The following NEK10 variants were observed in gnomAD, a reference collection of about 807,000 sequenced individuals.
NEK10 encodes NIMA related kinase 10.
NEK10 carries 122 observed loss-of-function variants against 159.8 expected under a neutral mutation model. The ratio of observed to expected loss-of-function variants is 0.76; its 90% CI spans 0.66 to 0.89. The LOEUF (loss-of-function observed/expected upper bound fraction) is 0.89, where lower values mean the gene tolerates loss of function less well. NEK10 is among the 40% of genes least tolerant of loss of function. NEK10 has a pLI of 0.00. For synonymous variants in NEK10, 466 were observed against 457.1 expected (o/e 1.02, Z -0.25); for missense variants, 1,342 against 1,323.1 (o/e 1.01, Z -0.22).
chr3:27,183,899 C>T (rs182257339), intron 26 of NEK10, among the ~76,000 whole-genome samples: 18 of 152,256 alleles, frequency 1.2e-4, no homozygotes, highest in African/African-American at 4.1e-4. Flanking sequence ...AGTATCATTA[C>T]ACCTCAAAGG....
rs575238685 is a variant in NEK10 at position 27,171,500 on chromosome 3, T to C, written c.2831+319A>G. 2.6e-5 allele frequency among the ~76,000 whole-genome samples: 4 copies of C among 152,156 alleles called. No individual in the cohort carries two copies. The South Asian group carries it at 6.2e-4, about 24-fold the overall frequency. The stretch of plus-strand genomic sequence containing the variant: ...CCTGGGGATATGGAAGAACAAGATA[T>C]AAGACCAGGGCTCCAGATGACCTCA... On this transcript the variant is annotated intron_variant, in intron 29 of 35. Coordinates refer to ENST00000691995, the MANE Select transcript of NEK10 (RefSeq NM_001394966.1).
intron 30 of NEK10, among the ~76,000 whole-genome samples, chr3:27,153,795 T>C (rs1312830416): frequency 6.6e-6 from 1 of 152,166 alleles, no homozygotes; most frequent in Non-Finnish European, 1.5e-5. Context: ...AGGTCTGGGA[T>C]ACAGCAAAAG....
chr3:27,336,668 A>G (rs1159542395), intron 5 of NEK10, among the ~76,000 whole-genome samples: 1 of 152,168 alleles, frequency 6.6e-6, no homozygotes, highest in Non-Finnish European at 1.5e-5. Context: ...TGGGATTTAC[A>G]CCAGGGAAAC....
intron 23 of NEK10, among the ~76,000 whole-genome samples, chr3:27,243,995 TC>T (rs895313347): frequency 6.6e-6 from 1 of 152,046 alleles, no homozygotes; most frequent in Admixed American, 6.6e-5. Context: ...CATCTCTCCT[TC>T]CCTTTTCCCA....
rs181136969 is a variant in NEK10 at position 27,155,964 on chromosome 3, T to A, written c.2869+6737A>T. 3.9e-5 allele frequency among the ~76,000 whole-genome samples: 6 copies of A among 152,076 alleles called. No individual in the cohort carries two copies. The East Asian group carries it at 1.2e-3, about 29-fold the overall frequency. ...AGGCACATAGACCAATGGAACAGAA[T>A]AGAGAACCCAGAAGTAAACCCAAAT... On this transcript the variant is annotated intron_variant, in intron 30 of 35. Coordinates refer to ENST00000691995, the MANE Select transcript of NEK10 (RefSeq NM_001394966.1).
chr3:27,240,631 ATTTACT>A (rs752483426), intron 23 of NEK10, among the ~76,000 whole-genome samples: 14 of 148,734 alleles, frequency 9.4e-5, no homozygotes, highest in South Asian at 4.3e-4. Context: ...CCTCATTCTG[ATTTACT>A]TTTATTACTA....
chr3:27,303,058 G>T (rs2043960128), intron 12 of NEK10, among the ~76,000 whole-genome samples: 1 of 152,138 alleles, frequency 6.6e-6, no homozygotes, highest in Non-Finnish European at 1.5e-5. Context: ...TCAGCCCAGG[G>T]TCAGGCACAA....
At chr3:27,224,999 A>AT (rs1359292291) in intron 23 of NEK10, among the ~76,000 whole-genome samples, 7 of 152,200 alleles carry the variant, frequency 4.6e-5, no homozygotes, top group African/African-American at 1.4e-4. Context: ...AAGGACAGAG[A>AT]TAATGGAATC....
intron 23 of NEK10, among the ~76,000 whole-genome samples, chr3:27,210,572 T>C (rs1421840064): frequency 6.6e-6 from 1 of 152,144 alleles, no homozygotes; most frequent in African/African-American, 2.4e-5. Context: ...CTCCCTCCCA[T>C]AACCTGTCTT....
intron 15 of NEK10, among the ~76,000 whole-genome samples, chr3:27,295,349 TA>T (rs1374109912): frequency 2.6e-5 from 4 of 152,132 alleles, no homozygotes; most frequent in Non-Finnish European, 4.4e-5. Context: ...CATATTTTTT[TA>T]AAAAAATAGA....
chr3:27,170,887 A>G (rs1476612832), intron 29 of NEK10, among the ~76,000 whole-genome samples: 1 of 152,068 alleles, frequency 6.6e-6, no homozygotes, highest in African/African-American at 2.4e-5. Flanking sequence ...GCTCTGGTCT[A>G]TGATGCAACT....
In NEK10 at chr3:27,266,284, A is replaced by AT. The variant is rs542362850; in HGVS notation, c.2015-9914dup. Among the ~76,000 whole-genome samples the AT allele has an allele frequency of 2.6e-5, 4 of 152,066 alleles. No individual in the cohort carries two copies. The East Asian group carries it at 5.8e-4, about 22-fold the overall frequency. ...GCCCAATACTGCAAAGACTATATCC[A>AT]TTTTTTTCTTCCAGAAGTTTCATAA... On this transcript the variant is annotated intron_variant, in intron 22 of 35. Transcript: ENST00000691995.
chr3:27,233,313 G>T (rs1026245605), intron 23 of NEK10, among the ~76,000 whole-genome samples: 1 of 151,990 alleles, frequency 6.6e-6, no homozygotes, highest in African/African-American at 2.4e-5. Context: ...CTAATCATCA[G>T]GGAAACACAA....
intron 23 of NEK10, among the ~76,000 whole-genome samples, chr3:27,234,601 A>G (rs1953696536): frequency 6.6e-6 from 1 of 152,200 alleles, no homozygotes; most frequent in Non-Finnish European, 1.5e-5. Flanking sequence ...CCACTGCTCA[A>G]AGAAATCAGA....
chr3:27,167,985 C>G (rs1347247922), intron 29 of NEK10, among the ~76,000 whole-genome samples: 2 of 152,156 alleles, frequency 1.3e-5, no homozygotes, highest in Non-Finnish European at 1.5e-5. Flanking sequence ...GTTAGTTTTT[C>G]CGCAAGCAAT....
chr3:27,307,749 C>G, intron 11 of NEK10, 110 bp downstream of exon 11: 1 of 666,280 alleles, frequency 1.5e-6, no homozygotes, highest in Non-Finnish European at 2.7e-6. Flanking sequence ...GCCAAGCTGA[C>G]TCATCATATT....
intron 26 of NEK10, among the ~76,000 whole-genome samples, chr3:27,186,115 G>A (rs1025056656): frequency 1.3e-5 from 2 of 152,224 alleles, no homozygotes; most frequent in Non-Finnish European, 2.9e-5. Flanking sequence ...TAGACATGCA[G>A]GTGAATGTTC....
At chr3:27,241,331 TC>T (rs933445244) in intron 23 of NEK10, among the ~76,000 whole-genome samples, 1 of 152,160 alleles carries the variant, frequency 6.6e-6, no homozygotes, top group African/African-American at 2.4e-5. Context: ...CCTATTAACA[TC>T]CCCTGACCCT....
intron 22 of NEK10, among the ~76,000 whole-genome samples, chr3:27,258,687 A>T (rs576276801): frequency 4.6e-5 from 7 of 152,286 alleles, no homozygotes; most frequent in African/African-American, 1.4e-4. Flanking sequence ...TTACGTGTTC[A>T]TGTGTCTTTA....
Sources: gnomAD v4.1 joint callset for allele counts (sites outside exome capture counted in the v4.1 genomes callset) on GRCh38, gnomAD v4.1.1 for gene constraint, MANE v1.5 for transcripts, NCBI Gene and HGNC (gene_info 2026-07-23, HGNC 2026-07-21) for gene names.